Variants in RALGAPA1 observed in about 807,000 individuals in gnomAD.
RALGAPA1 encodes the protein ral GTPase-activating protein subunit alpha-1.
In RALGAPA1, 52 loss-of-function variants were observed where a neutral mutation model predicts 269.6. The ratio of observed to expected loss-of-function variants is 0.19; its 90% CI spans 0.15 to 0.24. The LOEUF (loss-of-function observed/expected upper bound fraction) is 0.24, where lower values mean the gene tolerates loss of function less well. RALGAPA1 is among the 10% of genes least tolerant of loss of function. The pLI, the probability that RALGAPA1 is intolerant of heterozygous loss-of-function variation, is 1.00. For synonymous variants in RALGAPA1, 817 were observed against 1,008.3 expected (o/e 0.81, Z 3.60); for missense variants, 1,917 against 3,013.9 (o/e 0.64, Z 8.52).
At chr14:35,574,940 C>T (rs982257124) in intron 37 of RALGAPA1, among the ~76,000 whole-genome samples, 4 of 151,796 alleles carry the variant, frequency 2.6e-5, no homozygotes, top group African/African-American at 9.7e-5. Context: ...CTAGCCTGGC[C>T]AACATGGTGA....
intron 20 of RALGAPA1, 80 bp from the exon 21 acceptor site, chr14:35,684,065 T>C (rs2065706943): frequency 8.9e-7 from 1 of 1,119,286 alleles, no homozygotes; most frequent in African/African-American, 1.6e-5. Flanking sequence ...AGCAAAATGA[T>C]CAAACATAAA....
chr14:35,666,491 T>C (rs979511239), intron 26 of RALGAPA1, among the ~76,000 whole-genome samples: 3 of 152,078 alleles, frequency 2.0e-5, no homozygotes, highest in Non-Finnish European at 4.4e-5. Context: ...TCCCAAAGTG[T>C]TGGGATTACA....
chr14:35,693,278 A>T (rs1294549736), intron 17 of RALGAPA1, among the ~76,000 whole-genome samples: 1 of 151,898 alleles, frequency 6.6e-6, no homozygotes, highest in African/African-American at 2.4e-5. Flanking sequence ...TTATCTCTAT[A>T]AAGATAAGAA....
At chr14:35,672,761 G>C in intron 25 of RALGAPA1, 106 bp downstream of exon 25, 1 of 1,047,496 alleles carries the variant, frequency 9.5e-7, no homozygotes, top group Non-Finnish European at 1.3e-6. Context: ...AAATAAGGGG[G>C]AGAGTTTAAC....
At chr14:35,647,634 C>T (rs1205910633) in intron 31 of RALGAPA1, among the ~76,000 whole-genome samples, 1 of 152,118 alleles carries the variant, frequency 6.6e-6, no homozygotes, top group African/African-American at 2.4e-5. Context: ...TGATGTTCAT[C>T]ACACAGAGAG....
Position 35,560,186 on chromosome 14 carries a change from C to G in RALGAPA1, c.7496+10431G>C, listed in dbSNP as rs891447815. Among the ~76,000 whole-genome samples, 3 of 152,184 alleles carry G rather than the reference C, an allele frequency of 2.0e-5. No homozygotes were observed. The East Asian group carries it at 5.8e-4, about 29-fold the overall frequency. On this transcript the variant is annotated intron_variant, in intron 39 of 41. Coordinates refer to ENST00000680220, the MANE Select transcript of RALGAPA1 (RefSeq NM_001346249.2). ...ACACAATAGCAGAAGGAACTGTTACCTTAGACACTGGCTGCCATAAAACAA... is the reference window on the plus strand; with the variant it reads ...ACACAATAGCAGAAGGAACTGTTACGTTAGACACTGGCTGCCATAAAACAA...
rs184770746 is a variant in RALGAPA1, at chr14:35,592,804, A to G, written c.7209+2830T>C. Among the ~76,000 whole-genome samples the G allele has an allele frequency of 3.3e-5, 5 of 152,338 alleles. No homozygotes were observed. In the East Asian group the frequency reaches 9.6e-4, roughly 29 times the overall value. ...AAAGCATTCAACTAAGTCCAATATC[A>G]TTTATTGAGTAAAACTCTTGACAGT... is the stretch of plus-strand genomic sequence containing the variant. On this transcript the variant is annotated intron_variant, in intron 37 of 41. Transcript: ENST00000680220.
intron 39 of RALGAPA1, among the ~76,000 whole-genome samples, chr14:35,552,736 T>C (rs1309875519): frequency 1.5e-5 from 2 of 136,298 alleles, no homozygotes; most frequent in African/African-American, 5.6e-5. Context: ...AAAAAAAAAA[T>C]AACACACAGG....
intron 16 of RALGAPA1, among the ~76,000 whole-genome samples, chr14:35,703,835 G>C (rs1298778201): frequency 6.6e-6 from 1 of 151,360 alleles, no homozygotes; most frequent in African/African-American, 2.4e-5. Context: ...ATTTTTGAAG[G>C]CTTCCTATCT....
At chr14:35,654,327 A>G in intron 30 of RALGAPA1, 40 bp downstream of exon 30, 1 of 1,516,992 alleles carries the variant, frequency 6.6e-7, no homozygotes, top group Non-Finnish European at 8.8e-7. Context: ...ATCTAAAAAA[A>G]TTTAACAAGG....
chr14:35,747,379 A>G (rs1417780652), intron 10 of RALGAPA1, among the ~76,000 whole-genome samples: 1 of 152,216 alleles, frequency 6.6e-6, no homozygotes, highest in African/African-American at 2.4e-5. Flanking sequence ...AAAATTCCCC[A>G]TGAGTATTCC....
At chr14:35,748,321 A>T (rs1299688238) in intron 10 of RALGAPA1, 1 of 233,298 alleles carries the variant, frequency 4.3e-6, no homozygotes, top group Non-Finnish European at 8.1e-6. Context: ...TAGTTTAAAA[A>T]TCTACATGAA....
At chr14:35,612,521 GTCTTCTTCT>G (rs566178373) in intron 35 of RALGAPA1, among the ~76,000 whole-genome samples, 1 of 148,506 alleles carries the variant, frequency 6.7e-6, no homozygotes, top group African/African-American at 2.5e-5. Flanking sequence ...ATTAGGCGAG[GTCTTCTTCT>G]TCTTCTTCTT....
At chr14:35,556,933 C>A (rs142639017) in intron 39 of RALGAPA1, among the ~76,000 whole-genome samples, 1 of 151,938 alleles carries the variant, frequency 6.6e-6, no homozygotes, top group African/African-American at 2.4e-5. Context: ...AGTTGATAAG[C>A]CCAATTCCAC....
chr14:35,743,411 A>C (rs866211129), intron 10 of RALGAPA1, among the ~76,000 whole-genome samples: 5 of 152,208 alleles, frequency 3.3e-5, no homozygotes, highest in Non-Finnish European at 7.3e-5. Context: ...ATTACTCAGA[A>C]TGGTGATATT....
Position 35,684,032 on chromosome 14 carries a change from A to G in RALGAPA1, c.4295-47T>C, listed in dbSNP as rs773764804. ...TTATATGAGTCCCAATTACAAAGTA[A>G]AAATATTTACGAGAGCTAAATCAGC... is the stretch of plus-strand genomic sequence containing the variant. On this transcript the variant is annotated intron_variant, in intron 20 of 41. Coordinates refer to ENST00000680220, the MANE Select transcript of RALGAPA1 (RefSeq NM_001346249.2). 7 of 1,504,694 alleles carry G rather than the reference A, an allele frequency of 4.7e-6. No homozygotes were observed. The South Asian group carries it at 8.4e-5, about 18-fold the overall frequency. The allele number at this position is 1,504,694 out of a possible 1,614,324, so 93.2% of individuals were successfully genotyped here.
intron 21 of RALGAPA1, among the ~76,000 whole-genome samples, chr14:35,679,127 C>A (rs1336177902): frequency 6.6e-6 from 1 of 152,172 alleles, no homozygotes; most frequent in African/African-American, 2.4e-5. Context: ...AAGTATAGCA[C>A]AAATTAATGC....
chr14:35,655,009 G>C (rs2063085190), intron 29 of RALGAPA1, among the ~76,000 whole-genome samples: 1 of 152,064 alleles, frequency 6.6e-6, no homozygotes, highest in African/African-American at 2.4e-5. Context: ...TGAATCAGCA[G>C]TTTATATTAT....
At chr14:35,663,820 T>C (rs527557399) in intron 27 of RALGAPA1, among the ~76,000 whole-genome samples, 3 of 152,054 alleles carry the variant, frequency 2.0e-5, no homozygotes, top group Non-Finnish European at 2.9e-5. Flanking sequence ...CTCAATCTCC[T>C]GACCTCGTGA....
Sources: allele counts gnomAD v4.1 joint callset (sites outside exome capture counted in the v4.1 genomes callset), GRCh38; gene constraint gnomAD v4.1.1; transcripts MANE v1.5; gene names NCBI Gene and HGNC (gene_info 2026-07-23, HGNC 2026-07-21).